Variants in SAMD12 observed in about 807,000 individuals in gnomAD.
SAMD12 encodes the protein sterile alpha motif domain-containing protein 12.
In SAMD12, 9 loss-of-function variants were observed where a neutral mutation model predicts 15.0. The ratio of observed to expected loss-of-function variants is 0.60; its 90% confidence interval spans 0.36 to 1.05. SAMD12 has a LOEUF of 1.05. Ranked by LOEUF, SAMD12 falls within the 50% of genes least tolerant of loss-of-function variation. The pLI, the probability that SAMD12 is intolerant of heterozygous loss-of-function variation, is 0.01. For missense variants in SAMD12, 230 were observed against 234.2 expected, an observed-to-expected ratio of 0.98 and a Z score of 0.12; for synonymous variants, 86 against 90.1, an observed-to-expected ratio of 0.96 and a Z score of 0.25.
chr8:118,358,757 T>C (rs969044875), intron 4 of SAMD12, among the ~76,000 whole-genome samples: 10 of 152,094 alleles, frequency 6.6e-5, no homozygotes, highest in African/African-American at 1.9e-4. Flanking sequence ...AAATATAACC[T>C]AGGAGCACAC....
At chr8:118,576,112 T>A (rs1398107699) in intron 2 of SAMD12, among the ~76,000 whole-genome samples, 3 of 152,138 alleles carry the variant, frequency 2.0e-5, no homozygotes, top group Non-Finnish European at 4.4e-5. Flanking sequence ...TTCAATGGTT[T>A]CCCACAGATT....
At chr8:118,608,948 C>T (rs952090310) in intron 1 of SAMD12, among the ~76,000 whole-genome samples, 1 of 152,094 alleles carries the variant, frequency 6.6e-6, no homozygotes, top group African/African-American at 2.4e-5. Flanking sequence ...CCAATTTTAC[C>T]ATAAGTTAAC....
chr8:118,505,985 TC>T (rs1824910976), intron 2 of SAMD12, among the ~76,000 whole-genome samples: 1 of 152,158 alleles, frequency 6.6e-6, no homozygotes, highest in African/African-American at 2.4e-5. Context: ...CTGATTATCA[TC>T]CCTACAATGA....
chr8:118,170,087 A>G, the SAMD12 span, among the ~76,000 whole-genome samples: 7 of 152,240 alleles, frequency 4.6e-5, no homozygotes, highest in East Asian at 1.9e-4. Context: ...TGCATCATAC[A>G]TAGGGTGATC....
At chr8:118,603,657 C>A (rs149108798) in intron 1 of SAMD12, among the ~76,000 whole-genome samples, 1 of 152,180 alleles carries the variant, frequency 6.6e-6, no homozygotes, top group African/African-American at 2.4e-5. Context: ...AAAGAACACT[C>A]AGGATCCTAG....
chr8:118,316,816 G>GTTTT (rs35418863), intron 4 of SAMD12, among the ~76,000 whole-genome samples: 8 of 117,922 alleles, frequency 6.8e-5, no homozygotes, highest in Non-Finnish European at 1.0e-4. Flanking sequence ...TTAAAAAAAA[G>GTTTT]TTTTTTTTTT....
the SAMD12 span, among the ~76,000 whole-genome samples, chr8:118,165,534 G>A: frequency 1.4e-5 from 2 of 146,792 alleles, no homozygotes; most frequent in African/African-American, 5.0e-5. Context: ...GGTATTACAG[G>A]CATGGGCCAC....
At chr8:118,360,652 C>A (rs982668490) in intron 4 of SAMD12, among the ~76,000 whole-genome samples, 2 of 152,144 alleles carry the variant, frequency 1.3e-5, no homozygotes, top group Non-Finnish European at 2.9e-5. Context: ...CTGTGGGTAC[C>A]CACGGGGATT....
In SAMD12 at chr8:118,287,399, A is replaced by G. The variant is rs148514449; in HGVS notation, c.434-89667T>C. ...CTCGGCCTCCCAAAGGGCTGGAATT[A>G]CAGGCGTGAGCCACCGCGCCCGGCC... is the stretch of plus-strand genomic sequence containing the variant. On this transcript the variant is annotated intron_variant, in intron 4 of 4. Transcript: ENST00000409003. Among the ~76,000 whole-genome samples the G allele has an allele frequency of 4.8e-3, 726 of 152,342 alleles. 6 individuals are homozygous for G. Among genetic ancestry groups the G allele is most frequent in the African/African-American group, 0.016 (655 of 41,598 alleles).
At chr8:118,153,475 T>TA in the SAMD12 span, among the ~76,000 whole-genome samples, 37 of 151,708 alleles carry the variant, frequency 2.4e-4, no homozygotes, top group Middle Eastern at 6.8e-3. Context: ...CAGAGAGGGG[T>TA]AAAAAAAATG....
At chr8:118,135,331 A>G in the SAMD12 span, among the ~76,000 whole-genome samples, 8,898 of 151,270 alleles carry the variant, frequency 0.059, 439 homozygotes, top group Admixed American at 0.14. Context: ...ACAGGCATAT[A>G]TCACCATGTC....
chr8:118,238,304 AG>A (rs1457511184), intron 4 of SAMD12, among the ~76,000 whole-genome samples: 1 of 152,152 alleles, frequency 6.6e-6, no homozygotes, highest in Non-Finnish European at 1.5e-5. Flanking sequence ...CCAGAAAGCT[AG>A]TACTCTAGTA....
At chr8:118,155,936 G>T in the SAMD12 span, among the ~76,000 whole-genome samples, 1 of 152,196 alleles carries the variant, frequency 6.6e-6, no homozygotes, top group Non-Finnish European at 1.5e-5. Context: ...CACAGGCATA[G>T]AAGTAAATCC....
chr8:118,260,588 C>T (rs930315603), intron 4 of SAMD12, among the ~76,000 whole-genome samples: 1 of 152,066 alleles, frequency 6.6e-6, no homozygotes, highest in Non-Finnish European at 1.5e-5. Context: ...GGAGGCCTGA[C>T]CTCTGTGAAT....
chr8:118,211,026 C>T (rs933245320), intron 4 of SAMD12, among the ~76,000 whole-genome samples: 5 of 152,144 alleles, frequency 3.3e-5, no homozygotes, highest in African/African-American at 9.7e-5. Flanking sequence ...ATGAGAGATT[C>T]GCACACAGAA....
chr8:118,211,062 A>G (rs1320771017), intron 4 of SAMD12, among the ~76,000 whole-genome samples: 5 of 152,218 alleles, frequency 3.3e-5, no homozygotes, highest in African/African-American at 9.6e-5. Flanking sequence ...GATGTCCTGC[A>G]TGCTATTATA....
chr8:118,179,160 G>T, the SAMD12 span, among the ~76,000 whole-genome samples: 1 of 152,146 alleles, frequency 6.6e-6, no homozygotes, highest in African/African-American at 2.4e-5. Flanking sequence ...CTAAATAAGG[G>T]GCCGGATGCG....
chr8:118,584,656 G>A (rs145429994), intron 1 of SAMD12, among the ~76,000 whole-genome samples: 2 of 152,184 alleles, frequency 1.3e-5, no homozygotes, highest in African/African-American at 4.8e-5. Flanking sequence ...AAACCAAAAT[G>A]AATTTCACAA....
chr8:118,491,382 T>C (rs1053691068), intron 2 of SAMD12, among the ~76,000 whole-genome samples: 2 of 152,208 alleles, frequency 1.3e-5, no homozygotes. Context: ...TCTTATTTAA[T>C]GACTTTCTTA....
Sources: allele counts gnomAD v4.1 joint callset (sites outside exome capture counted in the v4.1 genomes callset), GRCh38; gene constraint gnomAD v4.1.1; transcripts MANE v1.5; gene names NCBI Gene and HGNC (gene_info 2026-07-23, HGNC 2026-07-21).